GNG7: variants seen among roughly 807,000 people sequenced by gnomAD.
GNG7 encodes guanine nucleotide-binding protein G(I)/G(S)/G(O) subunit gamma-7.
Under a neutral mutation model 4.0 loss-of-function variants are expected in GNG7, and 1 was observed. The observed-to-expected ratio is 0.25, with a 90% CI of 0.09 to 1.18. The LOEUF is 1.18. GNG7 is among the 50% of genes most tolerant of loss of function. GNG7 has a pLI of 0.50. For synonymous variants in GNG7, 34 were observed against 36.9 expected (o/e 0.92, Z 0.29); for missense variants, 86 against 91.9 (o/e 0.94, Z 0.26).
At position 2,558,136 on chromosome 19, in the gene GNG7, C is replaced by T. The variant is rs549262865; in HGVS notation, c.-77-2948G>A. Among the ~76,000 whole-genome samples, 197 of 151,890 alleles carry T rather than the reference C, an allele frequency of 1.3e-3. 3 individuals are homozygous for T. The highest frequency in any genetic ancestry group is 1.4e-3 in the Non-Finnish European group (96 of 67,940). ...GATTACAGGCGTGAGCCACCGCGCCCGGCCTCTCAGGCTTACTTTTAGGTG... is the reference window on the plus strand; with the variant it reads ...GATTACAGGCGTGAGCCACCGCGCCTGGCCTCTCAGGCTTACTTTTAGGTG... On this transcript the variant is annotated intron_variant, in intron 2 of 4. Coordinates refer to ENST00000382159, the MANE Select transcript of GNG7 (RefSeq NM_052847.3).
intron 1 of GNG7, among the ~76,000 whole-genome samples, chr19:2,680,610 T>C (rs1322440102): frequency 6.9e-6 from 1 of 144,288 alleles, no homozygotes; most frequent in East Asian, 2.0e-4. Flanking sequence ...AGTTTCCCTC[T>C]TGTTGCCCAG....
At chr19:2,610,879 T>C (rs1415334993) in intron 2 of GNG7, 1 of 150,836 alleles carries the variant, frequency 6.6e-6, no homozygotes, top group African/African-American at 2.4e-5. Context: ...CCAGGTTTGG[T>C]TTCAGTCGGC....
At chr19:2,601,711 C>T (rs574447064) in intron 2 of GNG7, among the ~76,000 whole-genome samples, 4 of 150,978 alleles carry the variant, frequency 2.6e-5, no homozygotes, top group Non-Finnish European at 4.4e-5. Context: ...CCCAGGAGTT[C>T]GAGACCAGCC....
intron 2 of GNG7, among the ~76,000 whole-genome samples, chr19:2,581,761 TA>T (rs1980512031): frequency 6.6e-6 from 1 of 152,222 alleles, no homozygotes; most frequent in Non-Finnish European, 1.5e-5. Context: ...GTCTAAGGTG[TA>T]GGCTCTACTC....
chr19:2,580,143 C>T (rs4335872), intron 2 of GNG7, among the ~76,000 whole-genome samples: 31,742 of 152,024 alleles, frequency 0.21, 5,567 homozygotes, highest in East Asian at 0.55. Flanking sequence ...GGCCCATACA[C>T]GCAGCTGAGT....
At chr19:2,575,155 G>T (rs947498243) in intron 2 of GNG7, among the ~76,000 whole-genome samples, 1 of 148,710 alleles carries the variant, frequency 6.7e-6, no homozygotes, top group East Asian at 2.0e-4. Flanking sequence ...CACCGTCATA[G>T]CTTACTGCAG....
chr19:2,662,192 G>A (rs562296729), intron 1 of GNG7, among the ~76,000 whole-genome samples: 25 of 151,232 alleles, frequency 1.7e-4, no homozygotes, highest in South Asian at 6.3e-4. Flanking sequence ...CCTGGGGGGC[G>A]GAGGCTGCAG....
rs1979659354 is a variant in GNG7, at chr19:2,559,131, T to TATATATATA, written c.-77-3952_-77-3944dup. On this transcript the variant is annotated intron_variant, in intron 2 of 4. Coordinates refer to ENST00000382159, the MANE Select transcript of GNG7 (RefSeq NM_052847.3). ...ATTCCTTTCATAGTCACAAAGAATATATATATATACACACACACACATATA... is the reference window on the plus strand; with the variant it reads ...ATTCCTTTCATAGTCACAAAGAATATATATATATAATATATATACACACACACACATATA... Among the ~76,000 whole-genome samples, 3 of 151,640 alleles carry TATATATATA rather than the reference T, an allele frequency of 2.0e-5. No homozygotes were observed. In the South Asian group the frequency reaches 6.2e-4, roughly 32 times the overall value.
At chr19:2,571,570 T>G (rs1980147177) in intron 2 of GNG7, among the ~76,000 whole-genome samples, 2 of 150,450 alleles carry the variant, frequency 1.3e-5, no homozygotes, top group Non-Finnish European at 3.0e-5. Context: ...TGTGGTCACT[T>G]TTCTTTTCAT....
At chr19:2,551,576 AAT>A (rs1979322422) in intron 3 of GNG7, among the ~76,000 whole-genome samples, 1 of 78,560 alleles carries the variant, frequency 1.3e-5, no homozygotes, top group Non-Finnish European at 2.2e-5. Flanking sequence ...TATTATCTAT[AAT>A]ATATAAATAT....
chr19:2,521,701 C>T (rs1189337223), intron 3 of GNG7, among the ~76,000 whole-genome samples: 1 of 147,760 alleles, frequency 6.8e-6, no homozygotes, highest in Non-Finnish European at 1.5e-5. Flanking sequence ...GCAACCTCTG[C>T]CTCCCGGGTT....
chr19:2,694,682 T>C (rs547677623), intron 1 of GNG7, among the ~76,000 whole-genome samples: 3 of 152,220 alleles, frequency 2.0e-5, no homozygotes, highest in African/African-American at 2.4e-5. Context: ...TGGATTTCAA[T>C]GTGTGCAGCC....
chr19:2,644,495 A>T (rs1424701849), intron 2 of GNG7, among the ~76,000 whole-genome samples: 1 of 151,694 alleles, frequency 6.6e-6, no homozygotes, highest in Non-Finnish European at 1.5e-5. Flanking sequence ...CAAAAAGAAG[A>T]AAAAAATCAT....
At chr19:2,524,389 C>T (rs1398706596) in intron 3 of GNG7, among the ~76,000 whole-genome samples, 1 of 152,196 alleles carries the variant, frequency 6.6e-6, no homozygotes, top group African/African-American at 2.4e-5. Flanking sequence ...TGACTGTACA[C>T]GTGTGTACAC....
At chr19:2,608,292 C>CG (rs1981454396) in intron 2 of GNG7, among the ~76,000 whole-genome samples, 1 of 151,018 alleles carries the variant, frequency 6.6e-6, no homozygotes, top group East Asian at 1.9e-4. Context: ...GGAGAGGTTC[C>CG]GCCCACGTGG....
chr19:2,619,102 G>A (rs769836279), intron 2 of GNG7, among the ~76,000 whole-genome samples: 1 of 152,160 alleles, frequency 6.6e-6, no homozygotes. Context: ...ATACCTATTT[G>A]ATTGACATTT....
chr19:2,622,927 C>G (rs1981921713), intron 2 of GNG7, among the ~76,000 whole-genome samples: 1 of 152,244 alleles, frequency 6.6e-6, no homozygotes, highest in Non-Finnish European at 1.5e-5. Flanking sequence ...AGCTCTGACA[C>G]CCCGGGCACG....
At chr19:2,568,186 CACAT>C (rs1451189252) in intron 2 of GNG7, among the ~76,000 whole-genome samples, 2 of 149,408 alleles carry the variant, frequency 1.3e-5, no homozygotes, top group Admixed American at 6.6e-5. Context: ...TACACACATG[CACAT>C]ACACACACAT....
chr19:2,597,832 C>A (rs920888966), intron 2 of GNG7, among the ~76,000 whole-genome samples: 1 of 141,310 alleles, frequency 7.1e-6, no homozygotes, highest in African/African-American at 2.7e-5. Context: ...GGAGGCAGAG[C>A]TTGCAGTGAG....
Sources: gnomAD v4.1 joint callset for allele counts (sites outside exome capture counted in the v4.1 genomes callset) on GRCh38, gnomAD v4.1.1 for gene constraint, MANE v1.5 for transcripts, NCBI Gene and HGNC (gene_info 2026-07-23, HGNC 2026-07-21) for gene names.